The following ADIG variants were observed in gnomAD, a reference collection of about 807,000 sequenced individuals.
ADIG encodes adipogenin.
Under a neutral mutation model 10.7 loss-of-function variants are expected in ADIG, and 12 were observed. The ratio of observed to expected loss-of-function variants is 1.12; its 90% CI spans 0.72 to 1.82. The LOEUF (loss-of-function observed/expected upper bound fraction) is 1.82. Among genes scored for constraint, ADIG ranks in the 40% most tolerant of loss-of-function variants. ADIG has a pLI of 0.00. For synonymous variants in ADIG, 32 were observed against 35.6 expected (o/e 0.90, Z 0.36); for missense variants, 72 against 92.5 (o/e 0.78, Z 0.91).
Position 38,586,135 on chromosome 20 carries a change from G to T in ADIG, c.231G>T (p.Arg77Ser), listed in dbSNP as rs1229655056. The change falls in exon 2 of 3, where the codon AGG becomes AGT. Residue 77 changes from arginine (R) to serine (S), a missense_variant. Physicochemically the swap from Arg to Ser is moderately radical, Grantham distance 110. Coordinates refer to ENST00000537425, the MANE Select transcript of ADIG (RefSeq NM_001393816.1). ...CACTCCACGGCCAAGAGAAGGAGAG[G>T]CCCTGCTGGTGAGCCTGCTGTGCCA... ...KGTLHGQEKE[R>S]PCW The T allele has an allele frequency of 6.3e-7, 1 of 1,595,138 alleles. No homozygotes were observed. The highest frequency in any genetic ancestry group is 8.5e-7 in the Non-Finnish European group (1 of 1,170,792).
In ADIG at chr20:38,588,143, G is replaced by A. The variant is rs2088653160; in HGVS notation, c.*57G>A. 2 of 1,304,892 alleles carry A rather than the reference G, an allele frequency of 1.5e-6. No individual in the cohort carries two copies. Among genetic ancestry groups the A allele is most frequent in the African/African-American group, 3.0e-5 (2 of 65,864 alleles). The allele number at this position is 1,304,892 out of a possible 1,614,324, so 80.8% of individuals were successfully genotyped here. On this transcript the variant is annotated 3_prime_UTR_variant, in exon 3 of 3. Transcript: ENST00000537425. ...CAGCAGGGCAGTGGCAATGGCAGAA[G>A]TGGATGGGAGAGACTTGCCAGGGAG...
At chr20:38,582,187 G>C (rs940359929) in intron 1 of ADIG, among the ~76,000 whole-genome samples, 19 of 152,188 alleles carry the variant, frequency 1.2e-4, no homozygotes, top group African/African-American at 4.6e-4. Flanking sequence ...AGGTGGCCAG[G>C]TTGCTTGAGC....
In ADIG at chr20:38,581,210, C is replaced by A; in HGVS notation, c.-41C>A. ...GCCAGGTCCCATGGGGCAGCCCTGC[C>A]AGCCCAGCCCAGGCTGGCCCAGCTT... On this transcript the variant is annotated 5_prime_UTR_variant, in exon 1 of 3. Transcript: ENST00000537425. The A allele has an allele frequency of 1.3e-6, 2 of 1,576,062 alleles. No individual in the cohort carries two copies. The highest frequency in any genetic ancestry group is 1.7e-6 in the Non-Finnish European group (2 of 1,160,000).
chr20:38,581,207 T>G lies in ADIG; in HGVS notation c.-44T>G, dbSNP rs2088587876. On this transcript the variant is annotated 5_prime_UTR_variant, in exon 1 of 3. Coordinates refer to ENST00000537425, the MANE Select transcript of ADIG (RefSeq NM_001393816.1). ...CCTGCCAGGTCCCATGGGGCAGCCC[T>G]GCCAGCCCAGCCCAGGCTGGCCCAG... 1.3e-6 allele frequency: 2 copies of G among 1,573,410 alleles called. No homozygotes were observed. Among genetic ancestry groups the G allele is most frequent in the African/African-American group, 2.7e-5 (2 of 74,080 alleles).
chr20:38,581,491 C>G (rs886751730), intron 1 of ADIG, 117 bp downstream of exon 1: 13 of 1,431,266 alleles, frequency 9.1e-6, no homozygotes, highest in Non-Finnish European at 1.1e-5. Flanking sequence ...ATTTTAAGTG[C>G]TCGCTTAGAT....
intron 1 of ADIG, 27 bp downstream of exon 1, chr20:38,581,401 G>T: frequency 6.2e-7 from 1 of 1,613,628 alleles, no homozygotes; most frequent in Non-Finnish European, 8.5e-7. Context: ...GTCCAGGCAG[G>T]ACCCTAATCC....
At chr20:38,581,412 T>C in intron 1 of ADIG, 38 bp downstream of exon 1, 3 of 1,612,966 alleles carry the variant, frequency 1.9e-6, no homozygotes, top group African/African-American at 1.3e-5. Context: ...ACCCTAATCC[T>C]GGAGCTAGGC....
chr20:38,586,501 T>C (rs2088638358), intron 2 of ADIG, among the ~76,000 whole-genome samples: 1 of 152,170 alleles, frequency 6.6e-6, no homozygotes, highest in African/African-American at 2.4e-5. Flanking sequence ...GAGGGCTTGC[T>C]CTAATGTCAC....
intron 1 of ADIG, 196 bp from the exon 2 acceptor site, chr20:38,585,833 C>A: frequency 3.2e-6 from 2 of 626,990 alleles, no homozygotes; most frequent in Non-Finnish European, 5.5e-6. Context: ...GAGCAGCCTT[C>A]TTTCTTGGTC....
At chr20:38,584,333 C>G (rs2088615986) in intron 1 of ADIG, among the ~76,000 whole-genome samples, 1 of 152,186 alleles carries the variant, frequency 6.6e-6, no homozygotes, top group South Asian at 2.1e-4. Flanking sequence ...GTGGAGGAAG[C>G]CACACACACC....
At chr20:38,584,185 A>T (rs1377854559) in intron 1 of ADIG, among the ~76,000 whole-genome samples, 2 of 152,140 alleles carry the variant, frequency 1.3e-5, no homozygotes, top group Non-Finnish European at 2.9e-5. Context: ...CCCAAGTCGA[A>T]GGAGGAGCAA....
chr20:38,581,438 C>T, intron 1 of ADIG, 64 bp downstream of exon 1: 1 of 1,604,942 alleles, frequency 6.2e-7, no homozygotes, highest in Non-Finnish European at 8.5e-7. Flanking sequence ...GCCAAATAGG[C>T]CAGTGTGTCC....
intron 1 of ADIG, among the ~76,000 whole-genome samples, chr20:38,584,368 C>T (rs2088616360): frequency 1.3e-5 from 2 of 152,180 alleles, no homozygotes; most frequent in South Asian, 4.1e-4. Flanking sequence ...TGCCCTGCTG[C>T]CGGCATTTTC....
At chr20:38,581,680 T>C (rs2145576955) in intron 1 of ADIG, among the ~76,000 whole-genome samples, 1 of 152,098 alleles carries the variant, frequency 6.6e-6, no homozygotes, top group East Asian at 1.9e-4. Context: ...AGTGATCTTT[T>C]GAACAAATCA....
chr20:38,587,663 A>G (rs1160775842), intron 2 of ADIG, among the ~76,000 whole-genome samples: 2 of 146,970 alleles, frequency 1.4e-5, no homozygotes, highest in African/African-American at 5.1e-5. Flanking sequence ...GACGCTGCAC[A>G]AGAACCCTAT....
At chr20:38,583,308 G>A (rs775002717) in intron 1 of ADIG, among the ~76,000 whole-genome samples, 5 of 152,162 alleles carry the variant, frequency 3.3e-5, no homozygotes, top group Non-Finnish European at 5.9e-5. Flanking sequence ...CCTGTCCAAG[G>A]TCATACATCT....
At chr20:38,584,543 A>G (rs979376368) in intron 1 of ADIG, among the ~76,000 whole-genome samples, 60 of 152,210 alleles carry the variant, frequency 3.9e-4, no homozygotes, top group Non-Finnish European at 7.3e-5. Flanking sequence ...AAACACACCC[A>G]ATGGAACCGT....
intron 1 of ADIG, among the ~76,000 whole-genome samples, chr20:38,582,880 C>T (rs2088601250): frequency 6.6e-6 from 1 of 152,086 alleles, no homozygotes; most frequent in Non-Finnish European, 1.5e-5. Flanking sequence ...TGCAGTGGCA[C>T]AATCTCGGCT....
In ADIG at chr20:38,586,167, G is replaced by T. The variant is rs977645747; in HGVS notation, c.*14+6G>T. 99 of 1,568,176 alleles carry T rather than the reference G, an allele frequency of 6.3e-5. No homozygotes were observed. Among genetic ancestry groups the T allele is most frequent in the Non-Finnish European group, 8.1e-5 (94 of 1,156,380 alleles). On this transcript the variant is annotated splice_donor_region_variant and intron_variant, in intron 2 of 2. Coordinates refer to ENST00000537425, the MANE Select transcript of ADIG (RefSeq NM_001393816.1). ...TGGTGAGCCTGCTGTGCCAGGTGAG[G>T]CCCTTCCAGGGGCCAGGGGGAGCCT... is the stretch of plus-strand genomic sequence containing the variant.
Sources: allele counts gnomAD v4.1 joint callset (sites outside exome capture counted in the v4.1 genomes callset), GRCh38; gene constraint gnomAD v4.1.1; transcripts MANE v1.5; gene names NCBI Gene and HGNC (gene_info 2026-07-23, HGNC 2026-07-21).